The following CDC42BPA variants were observed in gnomAD, a reference collection of about 807,000 sequenced individuals.
CDC42BPA encodes CDC42 binding protein kinase alpha.
Under a neutral mutation model 223.5 loss-of-function variants are expected in CDC42BPA, and 80 were observed. The observed-to-expected ratio is 0.36, with a 90% CI of 0.30 to 0.43. The LOEUF (loss-of-function observed/expected upper bound fraction) is 0.43. Among genes scored for constraint, CDC42BPA ranks in the 20% least tolerant of loss-of-function variants. The probability of loss-of-function intolerance (pLI) is 1.00; values close to 1 mark genes in which losing one functional copy is unlikely to be tolerated. For missense variants in CDC42BPA, 1,743 were observed against 2,099.9 expected (o/e 0.83, Z 3.32); for synonymous variants, 694 against 718.6 (o/e 0.97, Z 0.55).
intron 1 of CDC42BPA, among the ~76,000 whole-genome samples, chr1:227,272,059 T>C (rs1274106201): frequency 6.6e-6 from 1 of 152,198 alleles, no homozygotes; most frequent in African/African-American, 2.4e-5. Flanking sequence ...ATGACAAAAG[T>C]GAAAAGCAAA....
At chr1:227,246,172 G>T (rs2148175988) in intron 2 of CDC42BPA, among the ~76,000 whole-genome samples, 1 of 152,322 alleles carries the variant, frequency 6.6e-6, no homozygotes, top group Non-Finnish European at 1.5e-5. Flanking sequence ...TGGCAGAACT[G>T]CTCATGGAAC....
chr1:227,085,998 G>A (rs116616667), intron 16 of CDC42BPA, among the ~76,000 whole-genome samples: 7,705 of 152,116 alleles, frequency 0.051, 269 homozygotes, highest in African/African-American at 0.082. Context: ...ATCTTGGTCC[G>A]CACTCTGATT....
At chr1:227,276,884 G>T (rs549386737) in intron 1 of CDC42BPA, among the ~76,000 whole-genome samples, 3 of 151,954 alleles carry the variant, frequency 2.0e-5, no homozygotes, top group Admixed American at 6.6e-5. Flanking sequence ...CAGCATGCTC[G>T]TTAAGAGTCA....
chr1:227,128,144 A>AG lies in CDC42BPA; in HGVS notation c.1513+964dup, dbSNP rs1290756152. On this transcript the variant is annotated intron_variant, in intron 11 of 36. Transcript: ENST00000366766. ...TCTCCCTGCCTGCTCATTCTGCTCTAGCCATCCAGTACTCTCTGTTTTACT... is the reference window on the plus strand; with the variant it reads ...TCTCCCTGCCTGCTCATTCTGCTCTAGGCCATCCAGTACTCTCTGTTTTACT... Among the ~76,000 whole-genome samples, 4 of 152,234 alleles carry AG rather than the reference A, an allele frequency of 2.6e-5. No individual in the cohort carries two copies. The East Asian group carries it at 5.8e-4, about 22-fold the overall frequency.
At chr1:227,242,542 A>G (rs1680200934) in intron 2 of CDC42BPA, among the ~76,000 whole-genome samples, 1 of 152,174 alleles carries the variant, frequency 6.6e-6, no homozygotes, top group Non-Finnish European at 1.5e-5. Flanking sequence ...AAGTTAATAT[A>G]ATCAAGTTCC....
chr1:227,310,051 T>C (rs888987153), intron 1 of CDC42BPA, among the ~76,000 whole-genome samples: 1 of 152,202 alleles, frequency 6.6e-6, no homozygotes, highest in Non-Finnish European at 1.5e-5. Context: ...TCTCTCAAAA[T>C]TTCTTTCTAA....
At chr1:227,266,201 C>G (rs532210187) in intron 1 of CDC42BPA, among the ~76,000 whole-genome samples, 9 of 152,152 alleles carry the variant, frequency 5.9e-5, no homozygotes, top group Non-Finnish European at 1.0e-4. Context: ...GGTCAGGCAT[C>G]TGTGTGAAAC....
chr1:227,006,866 G>A (rs1305051233), intron 34 of CDC42BPA, among the ~76,000 whole-genome samples: 1 of 152,100 alleles, frequency 6.6e-6, no homozygotes. Context: ...GAATCTGGGA[G>A]GTGGAGGTTG....
intron 34 of CDC42BPA, among the ~76,000 whole-genome samples, chr1:227,010,243 T>A (rs1664911469): frequency 6.6e-6 from 1 of 152,220 alleles, no homozygotes; most frequent in African/African-American, 2.4e-5. Context: ...GCTTTTTAAA[T>A]TTTCCTCTTT....
At chr1:227,087,695 A>T (rs1190328209) in intron 16 of CDC42BPA, among the ~76,000 whole-genome samples, 5 of 152,126 alleles carry the variant, frequency 3.3e-5, no homozygotes, top group African/African-American at 1.2e-4. Flanking sequence ...GATAGTCCTT[A>T]ATTTATCTTA....
At position 227,016,969 on chromosome 1, in the gene CDC42BPA, T is replaced by A. The variant is rs371006782; in HGVS notation, c.4697A>T (p.Tyr1566Phe). ...MVRNINNKRRYSFRVPEEERM... is the reference protein window; with the variant it reads ...MVRNINNKRRFSFRVPEEERM... ...TTCCTCTTCTGGGACTCTGAAGGAATAACGCCGCTTATTGTTAATGTTTCT... is the reference window on the plus strand; with the variant it reads ...TTCCTCTTCTGGGACTCTGAAGGAAAAACGCCGCTTATTGTTAATGTTTCT... Residue 1566 changes from tyrosine (Y) to phenylalanine (F), a missense_variant, in exon 33 of 37, where the codon TAT becomes TTT. Physicochemically the swap from Tyr to Phe is conservative, Grantham distance 22 (BLOSUM62 3). This residue lies in a region of CDC42BPA where 44 missense variants were observed against 81.0 expected (regional missense o/e 0.54). Transcript: ENST00000366766. 1.2e-4 allele frequency: 187 copies of A among 1,613,408 alleles called. No individual in the cohort carries two copies. Among genetic ancestry groups the A allele is most frequent in the Middle Eastern group, 4.9e-4 (3 of 6,062 alleles).
At chr1:227,086,237 A>C (rs1231085764) in intron 16 of CDC42BPA, among the ~76,000 whole-genome samples, 5 of 152,172 alleles carry the variant, frequency 3.3e-5, no homozygotes, top group Non-Finnish European at 7.4e-5. Context: ...ACCATTGATA[A>C]ACATTTGTAC....
chr1:227,272,475 G>A (rs1166463150), intron 1 of CDC42BPA, among the ~76,000 whole-genome samples: 1 of 152,030 alleles, frequency 6.6e-6, no homozygotes, highest in African/African-American at 2.4e-5. Context: ...ACAAATGGGG[G>A]AAATATATGT....
chr1:227,025,283 A>G (rs1668054860), intron 31 of CDC42BPA, among the ~76,000 whole-genome samples: 1 of 152,170 alleles, frequency 6.6e-6, no homozygotes, highest in Admixed American at 6.5e-5. Context: ...GAAAAGTAAT[A>G]ATGACCAATC....
chr1:227,161,142 T>A (rs1406864664), intron 5 of CDC42BPA, among the ~76,000 whole-genome samples: 1 of 152,218 alleles, frequency 6.6e-6, no homozygotes, highest in Non-Finnish European at 1.5e-5. Flanking sequence ...AACAACTGCC[T>A]AATAGACTGT....
At chr1:227,089,632 T>TG (rs1427690366) in intron 16 of CDC42BPA, among the ~76,000 whole-genome samples, 1 of 133,308 alleles carries the variant, frequency 7.5e-6, no homozygotes, top group Non-Finnish European at 1.6e-5. Context: ...ATTCCGTTTT[T>TG]TTTTTTTTTT....
intron 4 of CDC42BPA, among the ~76,000 whole-genome samples, chr1:227,196,219 A>G (rs1180253522): frequency 6.6e-6 from 1 of 152,084 alleles, no homozygotes; most frequent in African/African-American, 2.4e-5. Flanking sequence ...AAGTCTTCGT[A>G]GGAATATCAG....
At chr1:227,066,026 G>T (rs1572589566) in intron 21 of CDC42BPA, among the ~76,000 whole-genome samples, 5 of 152,254 alleles carry the variant, frequency 3.3e-5, no homozygotes, top group Admixed American at 3.3e-4. Flanking sequence ...CAAAGGGCAG[G>T]CATATAAGCA....
intron 25 of CDC42BPA, among the ~76,000 whole-genome samples, 177 bp downstream of exon 25, chr1:227,035,294 C>T (rs1240962973): frequency 6.6e-6 from 1 of 152,062 alleles, no homozygotes; most frequent in Non-Finnish European, 1.5e-5. Flanking sequence ...AACTTATTTC[C>T]ATGTAAAAGC....
Sources: gnomAD v4.1 joint callset for allele counts (sites outside exome capture counted in the v4.1 genomes callset) on GRCh38, gnomAD v4.1.1 for gene constraint, gnomAD v4.1.1 regional missense constraint, MANE v1.5 for transcripts, NCBI Gene and HGNC (gene_info 2026-07-23, HGNC 2026-07-21) for gene names.